Variants in ZNF318 observed in about 807,000 individuals in gnomAD.
ZNF318 encodes the protein zinc finger protein 318, also known as endocrine regulator.
A neutral mutation model predicts 124.2 loss-of-function variants in ZNF318; 51 were observed. The observed-to-expected ratio is 0.41, with a 90% confidence interval of 0.33 to 0.52. The LOEUF is 0.52. ZNF318 is among the 20% of genes least tolerant of loss of function. The probability of loss-of-function intolerance (pLI) is 0.23; values close to 1 mark genes in which losing one functional copy is unlikely to be tolerated. For missense variants in ZNF318, 2,815 were observed against 2,811.2 expected, an observed-to-expected ratio of 1.00 and a Z score of -0.03; for synonymous variants, 1,090 against 1,040.7, an observed-to-expected ratio of 1.05 and a Z score of -0.91.
rs558295292 is a variant in ZNF318 at position 43,336,533 on chromosome 6, G to C, written c.*625C>G. 2.0e-5 allele frequency: 3 copies of C among 152,310 alleles called. No individual in the cohort carries two copies. Among genetic ancestry groups the C allele is most frequent in the African/African-American group, 7.2e-5 (3 of 41,572 alleles). The allele number at this position is 152,310 out of a possible 1,614,324, so 9.4% of individuals were successfully genotyped here. On this transcript the variant is annotated 3_prime_UTR_variant, in exon 10 of 10. Coordinates refer to ENST00000361428, the MANE Select transcript of ZNF318 (RefSeq NM_014345.3). ...TAGCAGGACAATGCATCTCAAGAAA[G>C]GCAACAGAGTAAGGGAAGTACAGGA...
chr6:43,355,509 T>A lies in ZNF318; in HGVS notation c.1825A>T (p.Ser609Cys), dbSNP rs759951521. 7.4e-6 allele frequency: 12 copies of A among 1,614,100 alleles called. No individual in the cohort carries two copies. The African/African-American group carries it at 1.6e-4, about 22-fold the overall frequency. The part of the protein sequence containing the change: ...IGLDIGVAEI[S>C]QLAARTQERL... The stretch of plus-strand genomic sequence containing the variant: ...TCCTGGGTGCGTGCAGCCAATTGAC[T>A]AATCTCTGCTACTCCAATATCCAGC... The change falls in exon 4 of 10, where the codon AGT becomes TGT. Residue 609 changes from serine to cysteine, a missense_variant. Coordinates refer to ENST00000361428, the MANE Select transcript of ZNF318 (RefSeq NM_014345.3).
chr6:43,337,243 T>C lies in ZNF318; in HGVS notation c.6755A>G (p.Asp2252Gly), dbSNP rs1425054141. 6.2e-7 allele frequency: 1 copy of C among 1,614,180 alleles called. No individual in the cohort carries two copies. Among genetic ancestry groups the C allele is most frequent in the South Asian group, 1.1e-5 (1 of 91,078 alleles). Residue 2252 changes from aspartate to glycine, a missense_variant, in exon 10 of 10, where the codon GAC becomes GGC. Around this residue, in one of 4 missense-constraint regions of ZNF318, gnomAD observed 927 missense variants for 820.6 expected, o/e 1.13. Transcript: ENST00000361428. ...AGGCATTCCCTGAGGGACCATATTG[T>C]CTTCAATTACCTGCTCCCTTGGAGG... ...RSPPREQVIE[D>G]NMVPQGMPEQ...
chr6:43,343,728 T>G, intron 6 of ZNF318, among the ~76,000 whole-genome samples: 1 of 147,194 alleles, frequency 6.8e-6, no homozygotes, highest in African/African-American at 2.5e-5. Context: ...ACTCGGGAGG[T>G]TGAGGCACGA....
Position 43,357,284 on chromosome 6 carries a change from C to G in ZNF318, c.1030G>C (p.Gly344Arg). Residue 344 changes from glycine to arginine, a missense_variant, in exon 3 of 10, where the codon GGT (glycine) becomes CGT (arginine). Transcript: ENST00000361428. ...SLSQELVGVD[G>R]GGTGCSIPGL... Reference sequence around the variant, plus strand: ...GGGATGGAACAGCCAGTACCACCACCATCAACTCCAACCAGCTCCTGACTC... The same window carrying G: ...GGGATGGAACAGCCAGTACCACCACGATCAACTCCAACCAGCTCCTGACTC... 6.2e-7 allele frequency: 1 copy of G among 1,614,064 alleles called. No individual in the cohort carries two copies. The highest frequency in any genetic ancestry group is 1.1e-5 in the South Asian group (1 of 91,078).
At chr6:43,349,386 C>CTTT (rs369338217) in intron 5 of ZNF318, among the ~76,000 whole-genome samples, 73 of 124,164 alleles carry the variant, frequency 5.9e-4, no homozygotes, top group South Asian at 1.6e-3. Context: ...TCTGGTTTAT[C>CTTT]TTTTTTTTTT....
chr6:43,351,412 G>T (rs1404597482), intron 5 of ZNF318, among the ~76,000 whole-genome samples: 3 of 152,098 alleles, frequency 2.0e-5, no homozygotes, highest in Admixed American at 2.0e-4. Context: ...TTTGTTGTTA[G>T]GAAATACTTA....
intron 8 of ZNF318, among the ~76,000 whole-genome samples, chr6:43,341,654 GAAAA>G (rs11357632): frequency 2.5e-5 from 3 of 122,374 alleles, no homozygotes; most frequent in Admixed American, 8.3e-5. Flanking sequence ...CATCTCAGAG[GAAAA>G]AAAAAAAAAA....
At chr6:43,344,810 T>C (rs191445000) in intron 6 of ZNF318, among the ~76,000 whole-genome samples, 43 of 151,718 alleles carry the variant, frequency 2.8e-4, no homozygotes, top group Non-Finnish European at 1.5e-5. Context: ...AATTAATACT[T>C]TGGTGTATGT....
intron 6 of ZNF318, among the ~76,000 whole-genome samples, chr6:43,345,451 A>C (rs1279736552): frequency 6.6e-6 from 1 of 152,164 alleles, no homozygotes; most frequent in Non-Finnish European, 1.5e-5. Context: ...CTGAGATGAA[A>C]ACTGAATTGT....
intron 6 of ZNF318, among the ~76,000 whole-genome samples, chr6:43,343,225 T>C (rs1475013388): frequency 6.6e-6 from 1 of 152,218 alleles, no homozygotes; most frequent in African/African-American, 2.4e-5. Flanking sequence ...CTTCACTGTA[T>C]ACCCTTTAGT....
At position 43,356,032 on chromosome 6, in the gene ZNF318, G is replaced by C. The variant is rs907579953; in HGVS notation, c.1302C>G (p.Asn434Lys). 6.2e-7 allele frequency: 1 copy of C among 1,614,080 alleles called. No individual in the cohort carries two copies. The highest frequency in any genetic ancestry group is 1.7e-5 in the Admixed American group (1 of 60,002). The part of the protein sequence containing the change: ...AIAAFASEIE[N>K]KGTMVETALK... ...AGGCAGTCTCTACCATAGTCCCCTT[G>C]TTTTCAATCTCTGAGGCAAAAGCAG... Residue 434 changes from asparagine (N) to lysine (K), a missense_variant, in exon 4 of 10, where the codon AAC becomes AAG. Physicochemically the swap from Asn to Lys is moderately conservative, Grantham distance 94. Transcript: ENST00000361428.
rs550954884 is a variant in ZNF318 at position 43,336,235 on chromosome 6, T to G, written c.*923A>C. On this transcript the variant is annotated 3_prime_UTR_variant, in exon 10 of 10. Coordinates refer to ENST00000361428, the MANE Select transcript of ZNF318 (RefSeq NM_014345.3). The stretch of plus-strand genomic sequence containing the variant: ...AGGAGGAGGTAGAGGAAAGGATACA[T>G]ATGGGTTTGTGGAACAGGGAATGAG... 5 of 152,592 alleles carry G rather than the reference T, an allele frequency of 3.3e-5. No homozygotes were observed. The highest frequency in any genetic ancestry group is 7.4e-5 in the Non-Finnish European group (5 of 68,018). The allele number at this position is 152,592 out of a possible 1,614,324, so 9.5% of individuals were successfully genotyped here.
At chr6:43,368,894 C>T in intron 1 of ZNF318, 73 bp downstream of exon 1, 1 of 1,275,722 alleles carries the variant, frequency 7.8e-7, no homozygotes, top group Non-Finnish European at 9.9e-7. Context: ...AGGCCCCGGG[C>T]GTTTCTGGAA....
intron 1 of ZNF318, 32 bp downstream of exon 1, chr6:43,368,935 T>C: frequency 7.5e-7 from 1 of 1,340,974 alleles, no homozygotes; most frequent in Admixed American, 3.4e-5. Flanking sequence ...GACTGGGGGA[T>C]GGAGGGAGTC....
intron 5 of ZNF318, among the ~76,000 whole-genome samples, chr6:43,350,849 T>C (rs1779514681): frequency 6.6e-6 from 1 of 152,178 alleles, no homozygotes. Flanking sequence ...TCATAATAAC[T>C]GGCTCAGGCA....
intron 3 of ZNF318, 150 bp from the exon 4 acceptor site, chr6:43,356,295 CA>C: frequency 1.2e-6 from 1 of 843,228 alleles, no homozygotes; most frequent in Non-Finnish European, 1.8e-6. Flanking sequence ...TAGCCAGATT[CA>C]AAATGTGAAT....
In ZNF318 at chr6:43,336,081, C is replaced by T. The variant is rs1344225687; in HGVS notation, c.*1077G>A. 2.0e-5 allele frequency: 3 copies of T among 152,624 alleles called. No individual in the cohort carries two copies. The highest frequency in any genetic ancestry group is 4.4e-5 in the Non-Finnish European group (3 of 68,044). The allele number at this position is 152,624 out of a possible 1,614,324, so 9.5% of individuals were successfully genotyped here. A position where few individuals can be genotyped will look rare whatever the true frequency, so the allele number is the denominator to read the frequency against. ...TCCAGAAGGAAACATGAGATTAATG[C>T]ATTTATTCCAAGTAATTAACACATT... is the stretch of plus-strand genomic sequence containing the variant. On this transcript the variant is annotated 3_prime_UTR_variant, in exon 10 of 10. Transcript: ENST00000361428.
Position 43,352,442 on chromosome 6 carries a change from C to A in ZNF318, c.2705G>T (p.Arg902Leu). Residue 902 changes from arginine to leucine, a missense_variant, in exon 5 of 10, where the codon CGG becomes CTG. Physicochemically the swap from Arg to Leu is moderately radical, Grantham distance 102. Around this residue, in one of 4 missense-constraint regions of ZNF318, gnomAD observed 1,377 missense variants for 1,353.5 expected, o/e 1.02. Coordinates refer to ENST00000361428, the MANE Select transcript of ZNF318 (RefSeq NM_014345.3). ...GTACATCTTCTTCTGGCGGGCTTCC[C>A]GGTCATTCTTTAGTTTTTCCCTCTC... ...IEEREKLKND[R>L]EARQKKMYYL... The A allele has an allele frequency of 6.2e-7, 1 of 1,614,084 alleles. No individual in the cohort carries two copies. The highest frequency in any genetic ancestry group is 1.1e-5 in the South Asian group (1 of 91,070).
At chr6:43,352,342 A>T (rs942176339) in intron 5 of ZNF318, 35 bp downstream of exon 5, 4 of 1,587,532 alleles carry the variant, frequency 2.5e-6, no homozygotes, top group East Asian at 4.5e-5. Context: ...TACGCAAGTT[A>T]TTACAAAAAG....
Sources: gnomAD v4.1 joint callset for allele counts (sites outside exome capture counted in the v4.1 genomes callset) on GRCh38, gnomAD v4.1.1 for gene constraint, gnomAD v4.1.1 regional missense constraint, MANE v1.5 for transcripts, NCBI Gene and HGNC (gene_info 2026-07-23, HGNC 2026-07-21) for gene names.